The following CHD1L variants were observed in gnomAD, a reference collection of about 807,000 sequenced individuals.
The protein encoded by CHD1L is chromodomain helicase DNA binding protein 1 like, also known as ATP-dependent chromatin remodeler CHD1L.
A neutral mutation model predicts 115.9 loss-of-function variants in CHD1L; 118 were observed. The ratio of observed to expected loss-of-function variants is 1.02; its 90% CI spans 0.88 to 1.19. The LOEUF is 1.19. CHD1L is among the 50% of genes most tolerant of loss of function. CHD1L has a pLI of 0.00. For missense variants in CHD1L, 1,179 were observed against 1,065.3 expected, an observed-to-expected ratio of 1.11 and a Z score of -1.49; for synonymous variants, 411 against 387.1, an observed-to-expected ratio of 1.06 and a Z score of -0.72.
the CHD1L span, chr1:147,186,841 T>C: frequency 1.3e-5 from 20 of 1,547,396 alleles, no homozygotes; most frequent in Non-Finnish European, 1.7e-5. Flanking sequence ...CTCGTCAGAT[T>C]CTGAAGGCAT....
At position 147,291,515 on chromosome 1, in the gene CHD1L, T is replaced by A; in HGVS notation, c.2354T>A (p.Val785Asp). Residue 785 changes from valine to aspartate, a missense_variant, in exon 20 of 23, where the codon GTT becomes GAT. Val to Asp is a radical substitution (Grantham distance 152). Coordinates refer to ENST00000369258, the MANE Select transcript of CHD1L (RefSeq NM_004284.6). ...TTGGGAGGTGTCCTTTTATTTCCTGTTGATGATAAAGAATCAAGAAACAAA... is the reference window on the plus strand; with the variant it reads ...TTGGGAGGTGTCCTTTTATTTCCTGATGATGATAAAGAATCAAGAAACAAA... ...LSLGGVLLFP[V>D]DDKESRNKGQ... 6.2e-7 allele frequency: 1 copy of A among 1,613,996 alleles called. No homozygotes were observed. The highest frequency in any genetic ancestry group is 8.5e-7 in the Non-Finnish European group (1 of 1,179,916).
chr1:147,264,386 T>A, intron 6 of CHD1L, 36 bp from the exon 7 acceptor site: 1 of 1,518,128 alleles, frequency 6.6e-7, no homozygotes, highest in Non-Finnish European at 8.9e-7. Context: ...ATTCCAGTGT[T>A]ATGGAATTTT....
chr1:147,185,019 A>C, the CHD1L span, among the ~76,000 whole-genome samples: 101 of 152,242 alleles, frequency 6.6e-4, no homozygotes, highest in Admixed American at 2.0e-3. Context: ...AATTAGGAAA[A>C]TGATAGAACA....
Position 147,242,803 on chromosome 1 carries a change from C to T in CHD1L, c.100C>T (p.Gln34Ter). ...GRAEAARVQE[Q>*]DLRQWGLTGI... is the part of the protein sequence containing the mutation. ...AGCCGAGGCGGCGCGGGTGCAGGAG[C>T]AGGACTTACGGCAGTGGGGGCTGAC... Residue 34 changes from glutamine to a stop codon, truncating the protein, a stop_gained, in exon 1 of 23, where the codon CAG becomes TAG. Transcript: ENST00000369258. LOFTEE classifies it high-confidence loss of function. 2 of 1,276,958 alleles carry T rather than the reference C, an allele frequency of 1.6e-6. No homozygotes were observed. Among genetic ancestry groups the T allele is most frequent in the Non-Finnish European group, 2.0e-6 (2 of 1,004,580 alleles). 79.1% of individuals were successfully genotyped at this position (1,276,958 alleles called of 1,614,324 possible).
chr1:147,251,069 C>G (rs1559736132), intron 1 of CHD1L, among the ~76,000 whole-genome samples: 1 of 152,172 alleles, frequency 6.6e-6, no homozygotes, highest in African/African-American at 2.4e-5. Flanking sequence ...TGAGGCCTCT[C>G]CATCCATGTG....
intron 6 of CHD1L, among the ~76,000 whole-genome samples, chr1:147,261,464 A>G (rs1671921448): frequency 6.6e-6 from 1 of 151,838 alleles, no homozygotes; most frequent in African/African-American, 2.4e-5. Flanking sequence ...TTATGAACTA[A>G]CCACCTCTTA....
the CHD1L span, among the ~76,000 whole-genome samples, chr1:147,206,243 C>T: frequency 3.4e-5 from 5 of 146,662 alleles, no homozygotes; most frequent in African/African-American, 1.0e-4. Context: ...GTTAGAATGG[C>T]GATCATTAAA....
intron 1 of CHD1L, among the ~76,000 whole-genome samples, chr1:147,248,488 G>A (rs1667346737): frequency 6.6e-6 from 1 of 152,152 alleles, no homozygotes; most frequent in Non-Finnish European, 1.5e-5. Flanking sequence ...GATTACAGGT[G>A]TGAGCCACTG....
intron 9 of CHD1L, 138 bp downstream of exon 9, chr1:147,267,656 A>T: frequency 1.6e-6 from 1 of 631,466 alleles, no homozygotes; most frequent in South Asian, 2.2e-5. Context: ...ATTGGTATTA[A>T]CTCATATATT....
At chr1:147,194,855 T>C in the CHD1L span, among the ~76,000 whole-genome samples, 1 of 152,114 alleles carries the variant, frequency 6.6e-6, no homozygotes, top group Non-Finnish European at 1.5e-5. Context: ...TTCTGGCTTG[T>C]AGAGTTACTG....
At chr1:147,268,406 G>T (rs1206626266) in intron 9 of CHD1L, among the ~76,000 whole-genome samples, 1 of 152,184 alleles carries the variant, frequency 6.6e-6, no homozygotes, top group East Asian at 1.9e-4. Context: ...AAAATCTCAA[G>T]TAGGTGCATA....
the CHD1L span, among the ~76,000 whole-genome samples, chr1:147,229,737 T>C: frequency 6.6e-6 from 1 of 152,132 alleles, no homozygotes; most frequent in Non-Finnish European, 1.5e-5. Flanking sequence ...CCCTTGTAAG[T>C]TGGATTCCTA....
At chr1:147,194,187 G>T in the CHD1L span, among the ~76,000 whole-genome samples, 13 of 152,214 alleles carry the variant, frequency 8.5e-5, no homozygotes, top group Non-Finnish European at 1.3e-4. Context: ...GAATCTGGGT[G>T]CTCCTGCATT....
At chr1:147,219,949 C>T in the CHD1L span, among the ~76,000 whole-genome samples, 1 of 151,502 alleles carries the variant, frequency 6.6e-6, no homozygotes, top group African/African-American at 2.4e-5. Context: ...AGCAATTCTC[C>T]TGCCTCAGCC....
At chr1:147,275,857 C>T (rs1193141471) in intron 13 of CHD1L, among the ~76,000 whole-genome samples, 1 of 151,446 alleles carries the variant, frequency 6.6e-6, no homozygotes, top group African/African-American at 2.4e-5. Flanking sequence ...TTTTCCTTGG[C>T]TACAGATAAG....
At chr1:147,179,265 G>A in the CHD1L span, 1 of 1,610,918 alleles carries the variant, frequency 6.2e-7, no homozygotes, top group Admixed American at 1.7e-5. Flanking sequence ...TGGTAGCAGA[G>A]AATTTTGATG....
the CHD1L span, chr1:147,204,975 C>T: frequency 2.1e-5 from 25 of 1,165,616 alleles, no homozygotes; most frequent in African/African-American, 3.0e-4. Flanking sequence ...CTCAGAAGAC[C>T]GCGGAGGAAC....
the CHD1L span, chr1:147,209,143 G>C: frequency 3.6e-6 from 4 of 1,096,632 alleles, no homozygotes; most frequent in Non-Finnish European, 5.2e-6. Context: ...TTTCAGGCCC[G>C]GCGCGGTGGC....
rs782669205 is a variant in CHD1L, at chr1:147,266,027, T to C, written c.835T>C (p.Tyr279His). ...ELPKKTEVVI[Y>H]HGMSALQKKY... ...TCCCAAGAAGACAGAAGTAGTGATA[T>C]ACCATGGCATGTCAGCATTGCAGAA... Residue 279 changes from tyrosine (Y) to histidine (H), a missense_variant, in exon 8 of 23, where the codon TAC becomes CAC. Tyr to His is a moderately conservative substitution (Grantham distance 83, BLOSUM62 2). Transcript: ENST00000369258. 3.1e-6 allele frequency: 5 copies of C among 1,613,764 alleles called. No homozygotes were observed. In the East Asian group the frequency reaches 8.9e-5, roughly 29 times the overall value.
Sources: allele counts gnomAD v4.1 joint callset (sites outside exome capture counted in the v4.1 genomes callset), GRCh38; gene constraint gnomAD v4.1.1; transcripts MANE v1.5; gene names NCBI Gene and HGNC (gene_info 2026-07-23, HGNC 2026-07-21).